The following PMPCB variants were observed in gnomAD, a reference collection of about 807,000 sequenced individuals.
PMPCB encodes the protein mitochondrial-processing peptidase subunit beta.
PMPCB carries 46 observed loss-of-function variants against 61.5 expected under a neutral mutation model. The ratio of observed to expected loss-of-function variants is 0.75; its 90% CI spans 0.59 to 0.96. PMPCB has a LOEUF of 0.96. PMPCB is among the 40% of genes least tolerant of loss of function. The pLI, the probability that PMPCB is intolerant of heterozygous loss-of-function variation, is 0.00. For missense variants in PMPCB, 590 were observed against 602.4 expected (o/e 0.98, Z 0.22); for synonymous variants, 191 against 201.6 (o/e 0.95, Z 0.44).
chr7:103,299,475 C>G lies in PMPCB; in HGVS notation c.273C>G (p.Tyr91Ter), dbSNP rs149259090. The G allele has an allele frequency of 1.2e-6, 2 of 1,611,464 alleles. No individual in the cohort carries two copies. The highest frequency in any genetic ancestry group is 1.7e-6 in the Non-Finnish European group (2 of 1,178,020). Residue 91 changes from tyrosine (Y) to a stop codon, truncating the protein, a stop_gained, in exon 3 of 13, where the codon TAC becomes TAG. Transcript: ENST00000249269. LOFTEE classifies it high-confidence loss of function. ...VGLWIDAGSR[Y>*]ENEKNNGTAH... ...TCTGGATTGATGCTGGAAGTAGATA[C>G]GAAAATGAGAAGAACAATGGAACAG...
the PMPCB span, among the ~76,000 whole-genome samples, chr7:103,338,982 T>C: frequency 2.0e-5 from 3 of 152,138 alleles, no homozygotes; most frequent in African/African-American, 7.2e-5. Flanking sequence ...CCTTGATGAT[T>C]TGTATGCACA....
chr7:103,307,956 AAAG>A (rs1817632893), intron 7 of PMPCB, among the ~76,000 whole-genome samples: 1 of 152,236 alleles, frequency 6.6e-6, no homozygotes, highest in African/African-American at 2.4e-5. Flanking sequence ...GAAAGGAAGC[AAAG>A]TTTTTAAGAG....
chr7:103,344,836 G>A, the PMPCB span: 2 of 604,896 alleles, frequency 3.3e-6, no homozygotes, highest in Admixed American at 2.9e-5. Flanking sequence ...CCGCCAACGT[G>A]TGCGGTAACC....
chr7:103,329,103 C>A, exon 13 of PMPCB: 1 of 608,576 alleles, frequency 1.6e-6, no homozygotes, highest in Non-Finnish European at 2.4e-6. Context: ...TTTTGTTTTT[C>A]ATCCTTTAAC....
At chr7:103,346,820 G>GTGTGTGTGTA in the PMPCB span, among the ~76,000 whole-genome samples, 5 of 7,706 alleles carry the variant, frequency 6.5e-4, no homozygotes, top group African/African-American at 9.5e-4. Flanking sequence ...GCTGAATAAT[G>GTGTGTGTGTA]TGTGTGTGTG....
chr7:103,322,761 G>C, intron 12 of PMPCB: 5 of 1,607,744 alleles, frequency 3.1e-6, no homozygotes, highest in Non-Finnish European at 4.2e-6. Context: ...TTGTTGCTCT[G>C]TTCTGCTTTT....
At chr7:103,343,301 A>C in the PMPCB span, among the ~76,000 whole-genome samples, 31 of 152,222 alleles carry the variant, frequency 2.0e-4, no homozygotes, top group Admixed American at 2.0e-3. Context: ...GCACCCAGAC[A>C]ACTCAAACTG....
chr7:103,330,686 G>A (rs1050916454), downstream of PMPCB, among the ~76,000 whole-genome samples: 2 of 150,680 alleles, frequency 1.3e-5, no homozygotes, highest in East Asian at 2.0e-4. Flanking sequence ...TCCTGACCTC[G>A]TGATCTGCCC....
chr7:103,344,308 C>A, the PMPCB span: 16 of 577,564 alleles, frequency 2.8e-5, no homozygotes, highest in Middle Eastern at 4.5e-4. Context: ...TCAGCCCAAT[C>A]CATGAGTCAG....
intron 6 of PMPCB, 70 bp from the exon 7 acceptor site, chr7:103,307,526 A>T: frequency 2.3e-6 from 2 of 884,080 alleles, no homozygotes; most frequent in South Asian, 2.8e-5. Context: ...ACATCACATT[A>T]TACCACCTAG....
chr7:103,332,770 C>T (rs748336317), downstream of PMPCB, among the ~76,000 whole-genome samples: 10 of 152,106 alleles, frequency 6.6e-5, no homozygotes, highest in African/African-American at 2.2e-4. Context: ...ACCACAGGCA[C>T]GCACCACTAT....
downstream of PMPCB, among the ~76,000 whole-genome samples, chr7:103,318,275 C>T (rs1382808388): frequency 1.3e-5 from 2 of 152,150 alleles, no homozygotes; most frequent in African/African-American, 4.8e-5. Flanking sequence ...AGGTAATCCT[C>T]TAACCTCAGC....
intron 12 of PMPCB, chr7:103,324,596 T>G: frequency 7.1e-7 from 1 of 1,409,650 alleles, no homozygotes. Context: ...TTACAATTCT[T>G]CAAAAATTAT....
At position 103,299,505 on chromosome 7, in the gene PMPCB, C is replaced by T. The variant is rs1005223981; in HGVS notation, c.303C>T (p.His101=). The change falls in exon 3 of 13, where the codon CAC becomes CAT. Residue 101 remains histidine, a synonymous_variant. Transcript: ENST00000249269. ...YENEKNNGTA[H]FLEHMAFKGT... ...ATGAGAAGAACAATGGAACAGCACA[C>T]TTTCTGGAGCATATGGCTTTCAAGG... 1.5e-5 allele frequency: 24 copies of T among 1,611,968 alleles called. No individual in the cohort carries two copies. The highest frequency in any genetic ancestry group is 1.6e-5 in the Non-Finnish European group (19 of 1,178,420).
In PMPCB at chr7:103,313,646, G is replaced by A. The variant is rs1437133180; in HGVS notation, c.*1375G>A. 19 of 985,334 alleles carry A rather than the reference G, an allele frequency of 1.9e-5. No homozygotes were observed. Among genetic ancestry groups the A allele is most frequent in the Non-Finnish European group, 1.9e-5 (16 of 829,930 alleles). The allele number at this position is 985,334 out of a possible 1,614,324, so 61.0% of individuals were successfully genotyped here. A position where few individuals can be genotyped will look rare whatever the true frequency, so the allele number is the denominator to read the frequency against. ...AGGCAAGCTGAGATTAGATTGTGTT[G>A]TAGTGTGGTGTTCTCTTCGTCACAT... is the stretch of plus-strand genomic sequence containing the variant. On this transcript the variant is annotated 3_prime_UTR_variant, in exon 13 of 13. Coordinates refer to ENST00000249269, the MANE Select transcript of PMPCB (RefSeq NM_004279.3).
At chr7:103,323,732 G>T (rs923642060) in intron 12 of PMPCB, 9 of 1,167,402 alleles carry the variant, frequency 7.7e-6, no homozygotes, top group Non-Finnish European at 1.0e-5. Context: ...TAATGCAAGT[G>T]AATGAATTTG....
At chr7:103,325,353 C>A (rs1015485251) in intron 12 of PMPCB, among the ~76,000 whole-genome samples, 82 of 152,072 alleles carry the variant, frequency 5.4e-4, no homozygotes, top group African/African-American at 1.9e-3. Flanking sequence ...AGGAGAATTG[C>A]TTGAACCTGG....
At chr7:103,338,453 C>G in the PMPCB span, among the ~76,000 whole-genome samples, 1 of 151,522 alleles carries the variant, frequency 6.6e-6, no homozygotes, top group Non-Finnish European at 1.5e-5. Context: ...CACACCACCA[C>G]GCCTGGCTAA....
the PMPCB span, chr7:103,344,449 C>T: frequency 7.9e-7 from 1 of 1,268,304 alleles, no homozygotes; most frequent in Non-Finnish European, 1.1e-6. Context: ...CATACGGCCC[C>T]GGGGCTAGTC....
Sources: gnomAD v4.1 joint callset for allele counts (sites outside exome capture counted in the v4.1 genomes callset) on GRCh38, gnomAD v4.1.1 for gene constraint, MANE v1.5 for transcripts, NCBI Gene and HGNC (gene_info 2026-07-23, HGNC 2026-07-21) for gene names.